Variants in NTNG2 observed in about 807,000 individuals in gnomAD.
NTNG2 encodes the protein netrin G2.
NTNG2 carries 15 observed loss-of-function variants against 47.6 expected under a neutral mutation model. The ratio of observed to expected loss-of-function variants is 0.32; its 90% CI spans 0.21 to 0.49. The LOEUF (loss-of-function observed/expected upper bound fraction) is 0.49, where lower values mean the gene tolerates loss of function less well. Ranked by LOEUF, NTNG2 falls within the 20% of genes least tolerant of loss-of-function variation. The pLI is 0.99. For synonymous variants in NTNG2, 307 were observed against 324.6 expected, an observed-to-expected ratio of 0.95 and a Z score of 0.58; for missense variants, 578 against 764.6, an observed-to-expected ratio of 0.76 and a Z score of 2.88.
At chr9:132,220,464 T>C (rs930331877) in intron 3 of NTNG2, among the ~76,000 whole-genome samples, 4 of 149,270 alleles carry the variant, frequency 2.7e-5, no homozygotes, top group African/African-American at 7.3e-5. Flanking sequence ...CCTTCTTCTT[T>C]TTTTTTTTTT....
chr9:132,219,769 G>A (rs1308246017), intron 3 of NTNG2, among the ~76,000 whole-genome samples: 2 of 151,970 alleles, frequency 1.3e-5, no homozygotes, highest in Non-Finnish European at 1.5e-5. Context: ...ATGGATATTG[G>A]GTTGTTCCCA....
chr9:132,227,843 G>A (rs533237720), intron 4 of NTNG2, among the ~76,000 whole-genome samples: 4 of 152,208 alleles, frequency 2.6e-5, no homozygotes, highest in Non-Finnish European at 5.9e-5. Context: ...GAAGCCCCTG[G>A]GCTGCAAGTG....
chr9:132,236,899 G>A lies in NTNG2; in HGVS notation c.1055-2205G>A, dbSNP rs755927722. 1.3e-5 allele frequency among the ~76,000 whole-genome samples: 2 copies of A among 152,190 alleles called. No homozygotes were observed. Among genetic ancestry groups the A allele is most frequent in the Non-Finnish European group, 2.9e-5 (2 of 68,042 alleles). ...CCAGGGACAGCGAAGGATTCACTTC[G>A]GCTGGAGCAGGAAGAGTGTTTCAGA... On this transcript the variant is annotated intron_variant, in intron 5 of 7. Transcript: ENST00000393229. The surrounding 1 kb of genome is among the most constrained non-coding windows in gnomAD (Gnocchi z 4.3).
intron 2 of NTNG2, among the ~76,000 whole-genome samples, chr9:132,176,632 G>C (rs921724418): frequency 6.6e-6 from 1 of 152,188 alleles, no homozygotes; most frequent in Non-Finnish European, 1.5e-5. Context: ...TGGCTATTAG[G>C]AGTGATACTG....
At chr9:132,235,294 G>T (rs1841536216) in intron 5 of NTNG2, among the ~76,000 whole-genome samples, 1 of 152,260 alleles carries the variant, frequency 6.6e-6, no homozygotes, top group African/African-American at 2.4e-5. Flanking sequence ...GCTCAGAGAG[G>T]TCTGGGCCCA....
At chr9:132,196,783 A>C (rs1286451552) in intron 2 of NTNG2, among the ~76,000 whole-genome samples, 3 of 152,192 alleles carry the variant, frequency 2.0e-5, no homozygotes, top group Non-Finnish European at 4.4e-5. Flanking sequence ...AGCTGGCGTC[A>C]GAACCCTCAG....
chr9:132,178,869 T>C (rs1836701162), intron 2 of NTNG2, among the ~76,000 whole-genome samples: 2 of 150,326 alleles, frequency 1.3e-5, no homozygotes, highest in Admixed American at 6.7e-5. Context: ...GGCAGAAGAA[T>C]TTCTTGAACC....
chr9:132,197,896 C>T lies in NTNG2; in HGVS notation c.214-70C>T, dbSNP rs996805477. The stretch of plus-strand genomic sequence containing the variant: ...CTCGGTTCGCAGGCAGGGGCTAGGC[C>T]GCGCAGAGGCTTCCCAGGCCATCCC... On this transcript the variant is annotated intron_variant, in intron 2 of 7. Transcript: ENST00000393229. The surrounding 1 kb of genome is among the most constrained non-coding windows in gnomAD (Gnocchi z 4.3). The T allele has an allele frequency of 2.0e-6, 3 of 1,475,372 alleles. No individual in the cohort carries two copies. The highest frequency in any genetic ancestry group is 2.7e-6 in the Non-Finnish European group (3 of 1,091,208). The allele number at this position is 1,475,372 out of a possible 1,614,324, so 91.4% of individuals were successfully genotyped here.
In NTNG2 at chr9:132,236,266, C is replaced by T. The variant is rs1339112648; in HGVS notation, c.1055-2838C>T. ...GGCAGTGGGATGGCAGGGAGCCTGA[C>T]AAAGTGGAAAATGTGTGGGTTAAAG... is the stretch of plus-strand genomic sequence containing the variant. On this transcript the variant is annotated intron_variant, in intron 5 of 7. Transcript: ENST00000393229. This position sits in a 1 kb window ranked among gnomAD's most constrained non-coding sequence, Gnocchi z 4.3. Among the ~76,000 whole-genome samples the T allele has an allele frequency of 6.6e-6, 1 of 152,128 alleles. No homozygotes were observed. Among genetic ancestry groups the T allele is most frequent in the Non-Finnish European group, 1.5e-5 (1 of 68,032 alleles).
At chr9:132,179,588 C>A (rs1836770338) in intron 2 of NTNG2, among the ~76,000 whole-genome samples, 1 of 152,178 alleles carries the variant, frequency 6.6e-6, no homozygotes, top group Admixed American at 6.5e-5. Context: ...CGCCTGGGAG[C>A]CTCATGAGTG....
chr9:132,194,441 A>C (rs1475708787), intron 2 of NTNG2, among the ~76,000 whole-genome samples: 1 of 152,194 alleles, frequency 6.6e-6, no homozygotes, highest in Non-Finnish European at 1.5e-5. Context: ...CATTCCAGGC[A>C]ACAGCACAGG....
chr9:132,202,044 T>C (rs192161396), intron 3 of NTNG2, among the ~76,000 whole-genome samples: 28 of 152,320 alleles, frequency 1.8e-4, no homozygotes, highest in African/African-American at 6.7e-4. Context: ...CACCGAGCTG[T>C]CCCTAGCCCT....
chr9:132,209,447 G>A (rs985037379), intron 3 of NTNG2, among the ~76,000 whole-genome samples: 1 of 152,230 alleles, frequency 6.6e-6, no homozygotes, highest in Non-Finnish European at 1.5e-5. Flanking sequence ...AGACTTCCGA[G>A]AGGAGAGCCG....
At chr9:132,217,345 G>A (rs1840061106) in intron 3 of NTNG2, among the ~76,000 whole-genome samples, 3 of 152,194 alleles carry the variant, frequency 2.0e-5, no homozygotes, top group Admixed American at 6.5e-5. Flanking sequence ...GGGGAAGGGT[G>A]TGCCTGTGTC....
chr9:132,230,432 G>T, intron 4 of NTNG2, 140 bp from the exon 5 acceptor site: 1 of 720,992 alleles, frequency 1.4e-6, no homozygotes. Context: ...ATGATTGCTA[G>T]CAGTTGTGTG....
At chr9:132,187,993 G>A (rs1217854338) in intron 2 of NTNG2, among the ~76,000 whole-genome samples, 1 of 152,238 alleles carries the variant, frequency 6.6e-6, no homozygotes, top group African/African-American at 2.4e-5. Flanking sequence ...GGTGTTAGGG[G>A]CAGTCCCCTG....
chr9:132,204,184 AG>A lies in NTNG2; in HGVS notation c.857+5576del, dbSNP rs536979957. Among the ~76,000 whole-genome samples, 71 of 152,278 alleles carry A rather than the reference AG, an allele frequency of 4.7e-4. 2 individuals are homozygous for A. The highest frequency in any genetic ancestry group is 1.7e-3 in the African/African-American group (69 of 41,548). On this transcript the variant is annotated intron_variant, in intron 3 of 7. Transcript: ENST00000393229. ...GAAACCCGTGAGTTCCAAGAGGCTG[AG>A]CTGGGCCTGGACGGGCAGATCTGAG...
Position 132,196,269 on chromosome 9 carries a change from C to T in NTNG2, c.214-1697C>T, listed in dbSNP as rs552827594. On this transcript the variant is annotated intron_variant, in intron 2 of 7. Transcript: ENST00000393229. ...GCAATGGCACGATCTCGGCTCACTG[C>T]AACCTACGCCTCCAGGGTTCAAGTG... Among the ~76,000 whole-genome samples the T allele has an allele frequency of 9.8e-5, 15 of 152,346 alleles. No individual in the cohort carries two copies. In the East Asian group the frequency reaches 2.7e-3, roughly 27 times the overall value.
intron 2 of NTNG2, among the ~76,000 whole-genome samples, chr9:132,181,980 G>C (rs748241354): frequency 1.3e-5 from 2 of 152,200 alleles, no homozygotes; most frequent in Admixed American, 1.3e-4. Flanking sequence ...GTGTGCGTGC[G>C]TGCAGCCATG....
Sources: gnomAD v4.1 joint callset for allele counts (sites outside exome capture counted in the v4.1 genomes callset) on GRCh38, gnomAD v4.1.1 for gene constraint, Gnocchi (gnomAD v3.1) non-coding constraint, MANE v1.5 for transcripts, NCBI Gene and HGNC (gene_info 2026-07-23, HGNC 2026-07-21) for gene names.